Variants in BCL2L14 observed in about 807,000 individuals in gnomAD.
The protein encoded by BCL2L14 is BCL2 like 14.
A neutral mutation model predicts 35.3 loss-of-function variants in BCL2L14; 27 were observed. The observed-to-expected ratio is 0.76, with a 90% CI of 0.56 to 1.05. BCL2L14 has a LOEUF of 1.05. BCL2L14 is among the 50% of genes least tolerant of loss of function. The probability of loss-of-function intolerance (pLI) is 0.00; values close to 1 mark genes in which losing one functional copy is unlikely to be tolerated. For missense variants in BCL2L14, 377 were observed against 382.6 expected, an observed-to-expected ratio of 0.99 and a Z score of 0.12; for synonymous variants, 139 against 145.9, an observed-to-expected ratio of 0.95 and a Z score of 0.34.
intron 1 of BCL2L14, among the ~76,000 whole-genome samples, chr12:12,075,433 CTTT>C (rs139459317): frequency 2.7e-4 from 29 of 105,506 alleles, no homozygotes; most frequent in African/African-American, 9.4e-4. Flanking sequence ...TTCTTTCTTT[CTTT>C]TTTTTTTGAG....
rs187342114 is a variant in BCL2L14, at chr12:12,059,283, G to T, written c.-272+7436G>T. On this transcript the variant is annotated intron_variant, in intron 2 of 3. Transcript: ENST00000461264. ...GCAAGTACCCCAACCCCTTCTCTCC[G>T]TGTCTCTACCCCTTCTCCACCTTTC... 3.0e-4 allele frequency among the ~76,000 whole-genome samples: 46 copies of T among 151,690 alleles called. No homozygotes were observed. The East Asian group carries it at 8.7e-3, about 29-fold the overall frequency.
At chr12:12,076,702 T>C (rs1405465558) in intron 1 of BCL2L14, among the ~76,000 whole-genome samples, 1 of 152,114 alleles carries the variant, frequency 6.6e-6, no homozygotes, top group Non-Finnish European at 1.5e-5. Context: ...CCAGGGACCC[T>C]TGCTTTCCTG....
At chr12:12,057,471 A>G (rs1450007424) in intron 2 of BCL2L14, among the ~76,000 whole-genome samples, 1 of 152,170 alleles carries the variant, frequency 6.6e-6, no homozygotes, top group East Asian at 1.9e-4. Context: ...AAAAGAGGTG[A>G]AGAGAGCCGG....
At position 12,073,569 on chromosome 12, in the gene BCL2L14, CAT is replaced by C. The variant is rs913427839; in HGVS notation, c.-8+2433_-8+2434del. Among the ~76,000 whole-genome samples the C allele has an allele frequency of 3.6e-4, 55 of 152,142 alleles. No individual in the cohort carries two copies. In the East Asian group the frequency reaches 8.3e-3, roughly 23 times the overall value. The stretch of plus-strand genomic sequence containing the variant: ...ATACTCCCCCCGCCACACACACACA[CAT>C]GCACACGCACACACAAACATGCATG... On this transcript the variant is annotated intron_variant, in intron 1 of 5. Transcript: ENST00000308721.
At chr12:12,090,680 T>A in intron 3 of BCL2L14, 99 bp from the exon 4 acceptor site, 7 of 808,380 alleles carry the variant, frequency 8.7e-6, no homozygotes, top group African/African-American at 1.8e-5. Flanking sequence ...TGCCTCTTCC[T>A]CCAGCCCTTA....
At chr12:12,087,091 C>A in intron 2 of BCL2L14, 122 bp from the exon 3 acceptor site, 3 of 1,091,478 alleles carry the variant, frequency 2.7e-6, no homozygotes, top group Non-Finnish European at 4.0e-6. Flanking sequence ...CCCCAGCACA[C>A]ATACTCCCAG....
chr12:12,094,678 G>A lies in BCL2L14; in HGVS notation c.693G>A (p.Lys231=). 1 of 1,614,216 alleles carries A rather than the reference G, an allele frequency of 6.2e-7. No individual in the cohort carries two copies. The highest frequency in any genetic ancestry group is 8.5e-7 in the Non-Finnish European group (1 of 1,180,020). Residue 231 remains lysine, a synonymous_variant, in exon 5 of 6, where the codon AAG becomes AAA. Coordinates refer to ENST00000308721, the MANE Select transcript of BCL2L14 (RefSeq NM_138723.2). The part of the protein sequence containing the change: ...DQLERKLKKD[K]ALMGHFQDGL... ...TTTGTACACAGCTGAAGAAAGATAAGGCTTTGATGGGCCACTTCCAGGATG... is the reference window on the plus strand; with the variant it reads ...TTTGTACACAGCTGAAGAAAGATAAAGCTTTGATGGGCCACTTCCAGGATG...
intron 1 of BCL2L14, chr12:12,078,034 C>A: frequency 2.4e-6 from 1 of 408,780 alleles, no homozygotes; most frequent in Non-Finnish European, 4.9e-6. Flanking sequence ...TCCTGTTATT[C>A]GTATGGAAAT....
Position 12,099,682 on chromosome 12 carries a change from G to T in BCL2L14, c.*694G>T, listed in dbSNP as rs565691388. ...AGCAGGTAAAATAAATACATAGAAA[G>T]ACTACTGTCAAAAGAGTGTCTTCTG... On this transcript the variant is annotated 3_prime_UTR_variant, in exon 6 of 6. Coordinates refer to ENST00000308721, the MANE Select transcript of BCL2L14 (RefSeq NM_138723.2). 1 of 152,262 alleles carries T rather than the reference G, an allele frequency of 6.6e-6. No individual in the cohort carries two copies. The highest frequency in any genetic ancestry group is 2.1e-4 in the South Asian group (1 of 4,824). The allele number at this position is 152,262 out of a possible 1,614,324, so 9.4% of individuals were successfully genotyped here.
intron 2 of BCL2L14, among the ~76,000 whole-genome samples, chr12:12,063,969 G>A (rs998101800): frequency 2.0e-5 from 3 of 150,710 alleles, no homozygotes; most frequent in Non-Finnish European, 4.4e-5. Flanking sequence ...ATCTCCCTTC[G>A]CTGACTCTCT....
Position 12,087,376 on chromosome 12 carries a change from T to A in BCL2L14, c.597T>A (p.Ser199Arg). 2 of 1,614,088 alleles carry A rather than the reference T, an allele frequency of 1.2e-6. No individual in the cohort carries two copies. Among genetic ancestry groups the A allele is most frequent in the African/African-American group, 2.7e-5 (2 of 75,034 alleles). The change falls in exon 3 of 6, where the codon AGT becomes AGA. Residue 199 changes from serine (S) to arginine (R), a missense_variant. Ser to Arg is a moderately radical substitution (Grantham distance 110, BLOSUM62 -1). Coordinates refer to ENST00000308721, the MANE Select transcript of BCL2L14 (RefSeq NM_138723.2). Reference protein sequence around the residue: ...QLQGHVPVASSSKKDEEEQIL... With the variant: ...QLQGHVPVASRSKKDEEEQIL... Reference sequence around the variant, plus strand: ...AAGGCCACGTGCCTGTAGCTTCAAGTTCTAAGAAAGGTAAGCTTTCCTTCC... The same window carrying A: ...AAGGCCACGTGCCTGTAGCTTCAAGATCTAAGAAAGGTAAGCTTTCCTTCC...
intron 2 of BCL2L14, among the ~76,000 whole-genome samples, chr12:12,065,430 G>A (rs1591809359): frequency 6.6e-6 from 1 of 152,030 alleles, no homozygotes; most frequent in South Asian, 2.1e-4. Context: ...AAGTGACTCT[G>A]GAGACTGAGG....
chr12:12,050,793 T>TAAAAAAAAAAAAAAAAAAAAAA (rs3052084), intron 1 of BCL2L14, among the ~76,000 whole-genome samples: 8 of 88,316 alleles, frequency 9.1e-5, no homozygotes, highest in African/African-American at 2.1e-4. Flanking sequence ...GCTGATGAGC[T>TAAAAAAAAAAAAAAAAAAAAAA]AAAAAAAAAA....
intron 1 of BCL2L14, chr12:12,077,588 G>GAA (rs79086954): frequency 6.7e-6 from 1 of 149,744 alleles, no homozygotes; most frequent in Non-Finnish European, 1.5e-5. Flanking sequence ...AGCTGAACTA[G>GAA]AAAAAAAACA....
At chr12:12,097,948 A>G (rs1196091156) in intron 5 of BCL2L14, among the ~76,000 whole-genome samples, 1 of 152,206 alleles carries the variant, frequency 6.6e-6, no homozygotes, top group Non-Finnish European at 1.5e-5. Flanking sequence ...ATAAACCTTA[A>G]TCTTAACTCT....
At chr12:12,078,007 A>T (rs1199959424) in intron 1 of BCL2L14, 3 of 438,662 alleles carry the variant, frequency 6.8e-6, no homozygotes, top group Non-Finnish European at 1.4e-5. Flanking sequence ...AATTGAACAA[A>T]ATCAGTTCTT....
intron 2 of BCL2L14, among the ~76,000 whole-genome samples, chr12:12,060,780 G>T (rs191022834): frequency 0.011 from 1,437 of 126,602 alleles, 57 homozygotes; most frequent in African/African-American, 0.042. Flanking sequence ...CAACTCACCT[G>T]GCAGCCACTC....
intron 2 of BCL2L14, among the ~76,000 whole-genome samples, chr12:12,058,250 ACT>A (rs1491199678): frequency 1.2e-3 from 132 of 112,960 alleles, no homozygotes; most frequent in African/African-American, 4.4e-3. Flanking sequence ...TTGTGCCCAG[ACT>A]CTTTTTTTTT....
chr12:12,091,459 A>C (rs1391960657), intron 4 of BCL2L14, among the ~76,000 whole-genome samples: 1 of 152,176 alleles, frequency 6.6e-6, no homozygotes, highest in Non-Finnish European at 1.5e-5. Flanking sequence ...CAGAGTCAAA[A>C]GGGCTTCTCT....
Sources: allele counts gnomAD v4.1 joint callset (sites outside exome capture counted in the v4.1 genomes callset), GRCh38; gene constraint gnomAD v4.1.1; transcripts MANE v1.5; gene names NCBI Gene and HGNC (gene_info 2026-07-23, HGNC 2026-07-21).